Variants in DRC8 observed in about 807,000 individuals in gnomAD.
DRC8 encodes the protein dynein regulatory complex subunit 8, also known as dynein regulatory complex protein 8.
the DRC8 span, among the ~76,000 whole-genome samples, chr1:245,088,804 C>T: frequency 6.6e-6 from 1 of 152,104 alleles, no homozygotes; most frequent in Non-Finnish European, 1.5e-5. This position sits in a 1 kb window ranked among gnomAD's most constrained non-coding sequence, Gnocchi z 4.6. Context: ...AGCAGGTGAG[C>T]AGCAAGTCCA....
chr1:245,091,625 C>G, the DRC8 span: 14 of 152,200 alleles, frequency 9.2e-5, no homozygotes, highest in Admixed American at 5.2e-4. Flanking sequence ...AGGCAATCCT[C>G]TCTGTTTAGT....
At chr1:245,087,564 T>C in the DRC8 span, 1 of 1,178,534 alleles carries the variant, frequency 8.5e-7, no homozygotes, top group Non-Finnish European at 1.1e-6. Context: ...TAAATTACTA[T>C]TTATTTAAAA....
At chr1:245,104,441 T>C in the DRC8 span, among the ~76,000 whole-genome samples, 22 of 151,464 alleles carry the variant, frequency 1.5e-4, no homozygotes, top group Non-Finnish European at 2.4e-4. Flanking sequence ...GAGGCGGAGG[T>C]TCCAGTGAGC....
the DRC8 span, among the ~76,000 whole-genome samples, chr1:245,109,636 G>A: frequency 6.6e-6 from 1 of 152,224 alleles, no homozygotes; most frequent in Non-Finnish European, 1.5e-5. Context: ...TTGATTTAAT[G>A]TAACCCCTAT....
At chr1:245,093,518 G>A in the DRC8 span, among the ~76,000 whole-genome samples, 2 of 151,926 alleles carry the variant, frequency 1.3e-5, no homozygotes. Context: ...AGGCAACATG[G>A]TGAAACCCCG....
chr1:244,993,045 A>G, the DRC8 span, among the ~76,000 whole-genome samples: 1 of 152,220 alleles, frequency 6.6e-6, no homozygotes, highest in African/African-American at 2.4e-5. Context: ...TACATGCAAC[A>G]TTGCATCTGG....
At chr1:245,057,505 T>G in the DRC8 span, among the ~76,000 whole-genome samples, 1 of 152,330 alleles carries the variant, frequency 6.6e-6, no homozygotes, top group Non-Finnish European at 1.5e-5. Context: ...AGTGTGTATT[T>G]TACACTGACA....
chr1:245,017,564 T>TA, the DRC8 span, among the ~76,000 whole-genome samples: 113,703 of 152,146 alleles, frequency 0.75, 42,729 homozygotes, highest in East Asian at 0.89. Flanking sequence ...TTCCAACCTA[T>TA]AATTGTAAAC....
At chr1:244,995,852 G>C in the DRC8 span, among the ~76,000 whole-genome samples, 1 of 152,268 alleles carries the variant, frequency 6.6e-6, no homozygotes, top group South Asian at 2.1e-4. Flanking sequence ...TTTCCCTTAA[G>C]CTCTAACCTA....
At chr1:244,970,608 C>A in the DRC8 span, 25 of 765,652 alleles carry the variant, frequency 3.3e-5, no homozygotes, top group Non-Finnish European at 4.7e-5. Flanking sequence ...TCGCCCTGCC[C>A]CCGTCCCCGT....
chr1:245,016,730 A>G, the DRC8 span, among the ~76,000 whole-genome samples: 1 of 152,146 alleles, frequency 6.6e-6, no homozygotes, highest in Non-Finnish European at 1.5e-5. Context: ...CATAGTCCAA[A>G]ACTAGTTTGA....
the DRC8 span, among the ~76,000 whole-genome samples, chr1:245,016,461 C>T: frequency 2.0e-5 from 3 of 152,178 alleles, no homozygotes; most frequent in Non-Finnish European, 2.9e-5. Context: ...CTAAGACCAC[C>T]GTATCAACCC....
chr1:244,981,559 G>A, the DRC8 span, among the ~76,000 whole-genome samples: 2 of 152,312 alleles, frequency 1.3e-5, no homozygotes, highest in East Asian at 1.9e-4. Context: ...GGCTTAGATA[G>A]GTAAAGCAGC....
At chr1:244,993,741 A>G in the DRC8 span, among the ~76,000 whole-genome samples, 1 of 152,276 alleles carries the variant, frequency 6.6e-6, no homozygotes, top group Admixed American at 6.5e-5. Flanking sequence ...AACATGGTAG[A>G]AGGCATCATA....
At chr1:245,112,819 T>C in the DRC8 span, among the ~76,000 whole-genome samples, 1 of 151,256 alleles carries the variant, frequency 6.6e-6, no homozygotes, top group Non-Finnish European at 1.5e-5. Flanking sequence ...AGTGGCACGG[T>C]CTTGGCTCAC....
chr1:245,023,375 T>C, the DRC8 span, among the ~76,000 whole-genome samples: 1 of 152,208 alleles, frequency 6.6e-6, no homozygotes. Context: ...TGCTTTTAAT[T>C]CTTTTGGGTG....
the DRC8 span, among the ~76,000 whole-genome samples, chr1:245,119,851 T>G: frequency 6.6e-6 from 1 of 150,846 alleles, no homozygotes; most frequent in South Asian, 2.1e-4. Flanking sequence ...GAGAATGGCG[T>G]GAACCCAGGA....
At chr1:245,121,859 T>C in the DRC8 span, 4 of 422,014 alleles carry the variant, frequency 9.5e-6, no homozygotes, top group Non-Finnish European at 1.9e-5. Context: ...CTTCATCTAC[T>C]TTTTTGCTTT....
chr1:245,107,576 G>A, the DRC8 span, among the ~76,000 whole-genome samples: 2 of 152,192 alleles, frequency 1.3e-5, no homozygotes, highest in African/African-American at 2.4e-5. Context: ...CACTGATGGG[G>A]CAGGGACTGT....
Sources: gnomAD v4.1 joint callset for allele counts (sites outside exome capture counted in the v4.1 genomes callset) on GRCh38, gnomAD v4.1.1 for gene constraint, Gnocchi (gnomAD v3.1) non-coding constraint, MANE v1.5 for transcripts, NCBI Gene and HGNC (gene_info 2026-07-23, HGNC 2026-07-21) for gene names.